Variants in DAB1 observed in about 807,000 individuals in gnomAD.
The protein encoded by DAB1 is DAB adaptor protein 1, also known as disabled homolog 1.
In DAB1, 15 loss-of-function variants were observed where a neutral mutation model predicts 64.6. The observed-to-expected ratio is 0.23, with a 90% CI of 0.16 to 0.36. DAB1 has a LOEUF of 0.36. DAB1 is among the 10% of genes least tolerant of loss of function. The pLI, the probability that DAB1 is intolerant of heterozygous loss-of-function variation, is 1.00. For synonymous variants in DAB1, 235 were observed against 251.9 expected (o/e 0.93, Z 0.64); for missense variants, 596 against 706.7 (o/e 0.84, Z 1.78).
At chr1:58,162,616 CT>C (rs950872780) in intron 4 of DAB1, among the ~76,000 whole-genome samples, 1 of 152,098 alleles carries the variant, frequency 6.6e-6, no homozygotes, top group African/African-American at 2.4e-5. Flanking sequence ...TGAAACTCTA[CT>C]TTTTTATTTT....
chr1:57,716,709 C>T (rs111276337), intron 6 of DAB1, among the ~76,000 whole-genome samples: 8 of 152,152 alleles, frequency 5.3e-5, no homozygotes, highest in African/African-American at 1.9e-4. Flanking sequence ...AAAGCAAAGG[C>T]AACAAAAGCA....
chr1:58,134,012 A>G (rs1299001293), intron 5 of DAB1, among the ~76,000 whole-genome samples: 2 of 152,138 alleles, frequency 1.3e-5, no homozygotes, highest in Non-Finnish European at 2.9e-5. Flanking sequence ...CTCCATGACT[A>G]ACTAATTAGC....
chr1:57,490,332 T>C (rs1644146179), intron 7 of DAB1, among the ~76,000 whole-genome samples: 1 of 152,194 alleles, frequency 6.6e-6, no homozygotes, highest in African/African-American at 2.4e-5. Flanking sequence ...ACTTCAAGGT[T>C]AGCTTCTGGA....
chr1:57,422,841 C>A (rs899357307), intron 1 of DAB1, among the ~76,000 whole-genome samples: 10 of 152,292 alleles, frequency 6.6e-5, no homozygotes, highest in African/African-American at 1.9e-4. Flanking sequence ...CCATCAGGCC[C>A]ACCAGCACCA....
At chr1:57,928,167 G>A (rs1293977820) in intron 5 of DAB1, among the ~76,000 whole-genome samples, 2 of 151,888 alleles carry the variant, frequency 1.3e-5, no homozygotes, top group Admixed American at 6.6e-5. Context: ...GCACTTGCAC[G>A]ATCAAAGTCC....
chr1:57,794,509 C>T (rs148921989), intron 6 of DAB1, among the ~76,000 whole-genome samples: 1 of 152,276 alleles, frequency 6.6e-6, no homozygotes, highest in East Asian at 1.9e-4. Flanking sequence ...ACAGCTTATC[C>T]TACAAGCCTC....
chr1:57,256,989 G>A (rs1343753927), intron 2 of DAB1, among the ~76,000 whole-genome samples: 1 of 152,196 alleles, frequency 6.6e-6, no homozygotes, highest in Non-Finnish European at 1.5e-5. Flanking sequence ...TTTAGGGTTG[G>A]CATTTAAGTT....
intron 6 of DAB1, among the ~76,000 whole-genome samples, chr1:57,788,839 T>C (rs1650457619): frequency 6.6e-6 from 1 of 152,162 alleles, no homozygotes; most frequent in African/African-American, 2.4e-5. Flanking sequence ...GCTTCAAAAT[T>C]GGCAGCTGGA....
chr1:57,498,957 C>T (rs1163493204), intron 7 of DAB1, among the ~76,000 whole-genome samples: 3 of 152,056 alleles, frequency 2.0e-5, no homozygotes, highest in African/African-American at 7.2e-5. Context: ...GGTGCAGATG[C>T]CATTAGGTTT....
chr1:58,366,250 A>G (rs1569689596), intron 3 of DAB1, among the ~76,000 whole-genome samples: 1 of 152,154 alleles, frequency 6.6e-6, no homozygotes, highest in African/African-American at 2.4e-5. Flanking sequence ...CAGCTCAACT[A>G]CGGGATGGCT....
At chr1:57,460,856 T>A (rs756113479) in intron 7 of DAB1, among the ~76,000 whole-genome samples, 1 of 152,168 alleles carries the variant, frequency 6.6e-6, no homozygotes, top group African/African-American at 2.4e-5. Flanking sequence ...TAGGTGTCTC[T>A]CCTCAAACTC....
intron 5 of DAB1, among the ~76,000 whole-genome samples, chr1:58,138,291 C>G (rs1039441907): frequency 7.9e-5 from 12 of 152,226 alleles, no homozygotes; most frequent in African/African-American, 2.6e-4. Context: ...AGATTTTAAC[C>G]CAGGACTCTT....
At chr1:57,072,664 C>T (rs1267529069) in intron 4 of DAB1, among the ~76,000 whole-genome samples, 1 of 152,178 alleles carries the variant, frequency 6.6e-6, no homozygotes, top group Non-Finnish European at 1.5e-5. Context: ...GCAACAGTGG[C>T]TTTATTCAGC....
At chr1:58,026,421 G>A (rs751434693) in intron 5 of DAB1, among the ~76,000 whole-genome samples, 1 of 152,156 alleles carries the variant, frequency 6.6e-6, no homozygotes, top group Non-Finnish European at 1.5e-5. Flanking sequence ...TCATCCCTGA[G>A]TGAGGATGGT....
At chr1:57,925,948 G>C (rs929091884) in intron 5 of DAB1, among the ~76,000 whole-genome samples, 2 of 152,210 alleles carry the variant, frequency 1.3e-5, no homozygotes, top group Admixed American at 6.5e-5. Context: ...ACCTTGGACA[G>C]GGGCTAGCTG....
intron 6 of DAB1, among the ~76,000 whole-genome samples, chr1:57,703,263 G>A (rs111291189): frequency 0.018 from 2,740 of 152,162 alleles, 36 homozygotes; most frequent in Middle Eastern, 0.034. Context: ...CCTACAAAAC[G>A]GGAGAAAATT....
chr1:57,684,989 TG>T (rs1358065456), intron 6 of DAB1, among the ~76,000 whole-genome samples: 1 of 151,786 alleles, frequency 6.6e-6, no homozygotes, highest in African/African-American at 2.4e-5. Flanking sequence ...AGTCTTGCTC[TG>T]TCACCCAGGC....
intron 5 of DAB1, among the ~76,000 whole-genome samples, chr1:58,118,503 T>TATATATACACACACAC (rs1341446315): frequency 7.0e-4 from 37 of 53,078 alleles, no homozygotes; most frequent in African/African-American, 3.1e-3. Flanking sequence ...TATATATATA[T>TATATATACACACACAC]ACACACACAC....
At chr1:58,125,050 ATATG>A (rs1247676086) in intron 5 of DAB1, among the ~76,000 whole-genome samples, 1 of 152,148 alleles carries the variant, frequency 6.6e-6, no homozygotes, top group Non-Finnish European at 1.5e-5. Context: ...CTTTTCTGGG[ATATG>A]TATGTGATAA....
Sources: allele counts gnomAD v4.1 joint callset (sites outside exome capture counted in the v4.1 genomes callset), GRCh38; gene constraint gnomAD v4.1.1; transcripts MANE v1.5; gene names NCBI Gene and HGNC (gene_info 2026-07-23, HGNC 2026-07-21).